PRR5: variants seen among roughly 807,000 people sequenced by gnomAD.
The protein encoded by PRR5 is proline rich 5, also known as proline-rich protein 5.
A neutral mutation model predicts 30.6 loss-of-function variants in PRR5; 25 were observed. The observed-to-expected ratio is 0.82, with a 90% CI of 0.60 to 1.14. PRR5 has a LOEUF of 1.14. Among genes scored for constraint, PRR5 ranks in the 50% most tolerant of loss-of-function variants. PRR5 has a pLI of 0.00. For synonymous variants in PRR5, 286 were observed against 247.1 expected, an observed-to-expected ratio of 1.16 and a Z score of -1.48; for missense variants, 600 against 547.1, an observed-to-expected ratio of 1.10 and a Z score of -0.96.
At chr22:44,673,445 C>T (rs1042955344), upstream of PRR5, among the ~76,000 whole-genome samples, 2 of 152,236 alleles carry the variant, frequency 1.3e-5, no homozygotes, top group African/African-American at 4.8e-5. Context: ...TCTTTTAACC[C>T]TCTGAAGGGC....
chr22:44,732,978 A>G (rs991551894), intron 6 of PRR5, among the ~76,000 whole-genome samples: 2 of 143,060 alleles, frequency 1.4e-5, no homozygotes, highest in African/African-American at 2.6e-5. Context: ...CATACACACT[A>G]CACACATACA....
chr22:44,725,189 C>A, intron 2 of PRR5, 55 bp from the exon 3 acceptor site: 1 of 1,605,520 alleles, frequency 6.2e-7, no homozygotes, highest in Non-Finnish European at 8.5e-7. Flanking sequence ...CGTGGGTCCC[C>A]CATGCCAGTG....
chr22:44,677,169 C>T (rs1923834816), exon 1 of PRR5: 1 of 152,406 alleles, frequency 6.6e-6, no homozygotes, highest in Non-Finnish European at 1.5e-5. Flanking sequence ...AGAGGAGACC[C>T]GTGGGCTGGG....
In PRR5 at chr22:44,735,067, G is replaced by A. The variant is rs201559839; in HGVS notation, c.596G>A (p.Arg199His). Residue 199 changes from arginine (R) to histidine (H), a missense_variant, in exon 7 of 8, where the codon CGC becomes CAC. Transcript: ENST00000336985. The part of the protein sequence containing the change: ...ESRGVTEDYL[R>H]LETLVQKVVS... ...AGGGGCGTGACTGAGGACTACCTGC[G>A]CCTGGAGACGCTGGTCCAGAAGGTG... is the stretch of plus-strand genomic sequence containing the variant. The A allele has an allele frequency of 2.4e-5, 38 of 1,612,178 alleles. No homozygotes were observed. Among genetic ancestry groups the A allele is most frequent in the Middle Eastern group, 3.3e-4 (2 of 6,058 alleles).
intron 2 of PRR5, among the ~76,000 whole-genome samples, chr22:44,719,682 C>A (rs759724916): frequency 6.6e-6 from 1 of 152,186 alleles, no homozygotes; most frequent in African/African-American, 2.4e-5. Context: ...GTGGCTCATA[C>A]TGTTCTGCTT....
intron 1 of PRR5, among the ~76,000 whole-genome samples, chr22:44,710,607 G>T (rs1450955042): frequency 6.6e-6 from 1 of 151,656 alleles, no homozygotes; most frequent in African/African-American, 2.4e-5. Context: ...CGCCCTTCCT[G>T]TATCCCTGAG....
chr22:44,688,977 T>C (rs1925003726), intron 1 of PRR5, among the ~76,000 whole-genome samples: 1 of 152,164 alleles, frequency 6.6e-6, no homozygotes, highest in Non-Finnish European at 1.5e-5. Context: ...ATCTTATATC[T>C]TATGTGTTAT....
chr22:44,707,387 C>T (rs1021794470), intron 1 of PRR5, among the ~76,000 whole-genome samples: 28 of 152,288 alleles, frequency 1.8e-4, no homozygotes, highest in African/African-American at 6.3e-4. Context: ...GCCTCAGGAC[C>T]CAGGGCATGA....
chr22:44,731,705 G>A lies in PRR5; in HGVS notation c.323-25G>A, dbSNP rs371227429. On this transcript the variant is annotated intron_variant, in intron 4 of 7. Coordinates refer to ENST00000336985, the MANE Select transcript of PRR5 (RefSeq NM_181333.4). ...CATCTGCCCGCGCCAGTCAGGCCCAGTGGTGATGGCCCCCATGCCCACAGG... is the reference window on the plus strand; with the variant it reads ...CATCTGCCCGCGCCAGTCAGGCCCAATGGTGATGGCCCCCATGCCCACAGG... 11 of 1,612,472 alleles carry A rather than the reference G, an allele frequency of 6.8e-6. No homozygotes were observed. The East Asian group carries it at 1.3e-4, about 20-fold the overall frequency.
chr22:44,732,706 GCA>G (rs1410358184), intron 6 of PRR5, among the ~76,000 whole-genome samples: 13 of 151,802 alleles, frequency 8.6e-5, no homozygotes, highest in Non-Finnish European at 2.9e-5. Context: ...TTGTGCACAC[GCA>G]CATAGTATGC....
intron 2 of PRR5, among the ~76,000 whole-genome samples, chr22:44,718,141 G>A (rs1602048060): frequency 6.6e-6 from 1 of 150,680 alleles, no homozygotes; most frequent in Admixed American, 6.6e-5. Context: ...GAATAACGCT[G>A]CTGTGAACAT....
intron 2 of PRR5, 63 bp downstream of exon 2, chr22:44,714,734 C>A: frequency 6.3e-7 from 1 of 1,592,102 alleles, no homozygotes; most frequent in South Asian, 1.1e-5. Flanking sequence ...GGCCCAGAGT[C>A]GAAGGCCCCA....
chr22:44,732,703 C>T (rs1922257001), intron 6 of PRR5, among the ~76,000 whole-genome samples: 2 of 152,088 alleles, frequency 1.3e-5, no homozygotes, highest in Non-Finnish European at 2.9e-5. Flanking sequence ...TACTTGTGCA[C>T]ACGCACATAG....
At chr22:44,688,758 C>G (rs1197649967) in intron 1 of PRR5, among the ~76,000 whole-genome samples, 1 of 152,124 alleles carries the variant, frequency 6.6e-6, no homozygotes, top group Non-Finnish European at 1.5e-5. Flanking sequence ...GAGGCCGAGG[C>G]AGGCGGATCA....
At chr22:44,707,247 G>T (rs1927371367) in intron 1 of PRR5, among the ~76,000 whole-genome samples, 1 of 152,224 alleles carries the variant, frequency 6.6e-6, no homozygotes, top group Non-Finnish European at 1.5e-5. Context: ...CGGGGCCAAG[G>T]TGTACTTTCA....
intron 1 of PRR5, among the ~76,000 whole-genome samples, chr22:44,686,298 C>G (rs1339685534): frequency 6.6e-6 from 1 of 151,928 alleles, no homozygotes; most frequent in Non-Finnish European, 1.5e-5. Context: ...ACCTGGCTTT[C>G]ACAACATCTT....
chr22:44,731,926 CTCTGCTCTGT>C (rs144139805), intron 5 of PRR5, 105 bp downstream of exon 5: 107,011 of 1,212,574 alleles, frequency 0.088, 5,138 homozygotes, highest in East Asian at 0.16. Flanking sequence ...CACACACCTG[CTCTGCTCTGT>C]GCTGCTCTCC....
chr22:44,692,936 C>G (rs1423525467), intron 1 of PRR5, among the ~76,000 whole-genome samples: 1 of 152,180 alleles, frequency 6.6e-6, no homozygotes, highest in Admixed American at 6.5e-5. Flanking sequence ...GAGGTTACTC[C>G]TCCTGGCCCC....
At chr22:44,686,916 C>G (rs551190389) in intron 1 of PRR5, among the ~76,000 whole-genome samples, 6 of 152,150 alleles carry the variant, frequency 3.9e-5, no homozygotes, top group Admixed American at 3.9e-4. Flanking sequence ...CCGGCAAATA[C>G]GATATTTGAT....
Sources: allele counts gnomAD v4.1 joint callset (sites outside exome capture counted in the v4.1 genomes callset), GRCh38; gene constraint gnomAD v4.1.1; transcripts MANE v1.5; gene names NCBI Gene and HGNC (gene_info 2026-07-23, HGNC 2026-07-21).